DCLK2: variants seen among roughly 807,000 people sequenced by gnomAD.
DCLK2 encodes serine/threonine-protein kinase DCLK2.
In DCLK2, 31 loss-of-function variants were observed where a neutral mutation model predicts 78.4. That is an observed-to-expected ratio of 0.40 (90% CI 0.30 to 0.53). The LOEUF (loss-of-function observed/expected upper bound fraction) is 0.53, where lower values mean the gene tolerates loss of function less well. Among genes scored for constraint, DCLK2 ranks in the 20% least tolerant of loss-of-function variants. The pLI is 0.61. For missense variants in DCLK2, 872 were observed against 973.7 expected (o/e 0.90, Z 1.39); for synonymous variants, 407 against 374.9 (o/e 1.09, Z -0.99).
At chr4:150,123,943 G>A (rs1186347141) in intron 2 of DCLK2, among the ~76,000 whole-genome samples, 1 of 152,040 alleles carries the variant, frequency 6.6e-6, no homozygotes, top group Non-Finnish European at 1.5e-5. Context: ...GGGTGGCTGA[G>A]GTGGGAGGAT....
chr4:150,192,867 T>C (rs1470111637), intron 2 of DCLK2, among the ~76,000 whole-genome samples: 2 of 152,060 alleles, frequency 1.3e-5, no homozygotes, highest in African/African-American at 4.8e-5. Flanking sequence ...GGGGGAAAAA[T>C]CACGTACCTT....
chr4:150,177,379 A>T (rs1737167689), intron 2 of DCLK2, among the ~76,000 whole-genome samples: 1 of 152,226 alleles, frequency 6.6e-6, no homozygotes, highest in Non-Finnish European at 1.5e-5. Context: ...ATTTAGGCCC[A>T]AATGTCAAGC....
At chr4:150,191,460 A>G (rs1324423150) in intron 2 of DCLK2, among the ~76,000 whole-genome samples, 1 of 152,140 alleles carries the variant, frequency 6.6e-6, no homozygotes, top group East Asian at 1.9e-4. Context: ...ATAGAAGTAG[A>G]GACGCTTGAA....
intron 8 of DCLK2, among the ~76,000 whole-genome samples, chr4:150,227,099 C>A (rs932214995): frequency 2.0e-5 from 3 of 152,156 alleles, no homozygotes; most frequent in African/African-American, 7.2e-5. Flanking sequence ...GATTAAATAG[C>A]TTCCAAAAAA....
intron 2 of DCLK2, among the ~76,000 whole-genome samples, chr4:150,104,686 C>A (rs1381897586): frequency 6.6e-6 from 1 of 151,828 alleles, no homozygotes; most frequent in Non-Finnish European, 1.5e-5. Context: ...TTCATAATCC[C>A]AAACAGATGT....
Position 150,203,832 on chromosome 4 carries a change from A to G in DCLK2, c.999A>G (p.Lys333=), listed in dbSNP as rs1288148996. The G allele has an allele frequency of 6.2e-7, 1 of 1,613,972 alleles. No individual in the cohort carries two copies. The highest frequency in any genetic ancestry group is 2.2e-5 in the East Asian group (1 of 44,848). The stretch of plus-strand genomic sequence containing the variant: ...CCAGCAGCCAACTTTCTACTCCTAA[A>G]TCTACGAAATCCTCCAGTTCCTCTC... ...GTPSSQLSTP[K]STKSSSSSPT... is the part of the protein sequence containing the mutation. Residue 333 remains lysine, a synonymous_variant, in exon 5 of 16, where the codon AAA becomes AAG. Coordinates refer to ENST00000296550, the MANE Select transcript of DCLK2 (RefSeq NM_001040260.4).
chr4:150,159,144 A>G (rs1394621922), intron 2 of DCLK2, among the ~76,000 whole-genome samples: 2 of 152,124 alleles, frequency 1.3e-5, no homozygotes, highest in Non-Finnish European at 2.9e-5. Context: ...AGATTCTTAT[A>G]TTGTGCCCTC....
intron 12 of DCLK2, among the ~76,000 whole-genome samples, chr4:150,242,339 G>A (rs1020882465): frequency 6.6e-6 from 1 of 152,212 alleles, no homozygotes; most frequent in Non-Finnish European, 1.5e-5. Flanking sequence ...GGTATTAGTG[G>A]AGTTTTTGTA....
chr4:150,182,129 C>G (rs1160086704), intron 2 of DCLK2, among the ~76,000 whole-genome samples: 6 of 151,806 alleles, frequency 4.0e-5, no homozygotes, highest in Non-Finnish European at 1.5e-5. Flanking sequence ...TTCGCTGCAG[C>G]CTTGACCTCC....
At chr4:150,083,082 T>G (rs184861885) in intron 1 of DCLK2, among the ~76,000 whole-genome samples, 1 of 152,328 alleles carries the variant, frequency 6.6e-6, no homozygotes, top group Admixed American at 6.5e-5. Context: ...AATGTGTATG[T>G]ACCCGTTAAT....
chr4:150,228,021 C>G (rs1271495026), intron 8 of DCLK2, among the ~76,000 whole-genome samples: 1 of 152,168 alleles, frequency 6.6e-6, no homozygotes, highest in African/African-American at 2.4e-5. Flanking sequence ...CTGCAAGCAT[C>G]CAGTGACCAG....
At chr4:150,102,075 A>G (rs1246534950) in intron 1 of DCLK2, among the ~76,000 whole-genome samples, 2 of 152,202 alleles carry the variant, frequency 1.3e-5, no homozygotes, top group African/African-American at 4.8e-5. Flanking sequence ...TTGTGATATA[A>G]TTATTTCTAC....
intron 3 of DCLK2, among the ~76,000 whole-genome samples, chr4:150,196,249 C>A (rs1207831512): frequency 2.0e-5 from 3 of 152,140 alleles, no homozygotes; most frequent in African/African-American, 7.2e-5. Context: ...AATTCATAAA[C>A]CTAGGATATA....
chr4:150,221,762 A>G lies in DCLK2; in HGVS notation c.1218A>G (p.Ala406=), dbSNP rs1378366760. ...AGGTCATTGGTGATGGCAATTTTGCAGTAGTCAAAGAGTGTATAGACAGGT... is the reference window on the plus strand; with the variant it reads ...AGGTCATTGGTGATGGCAATTTTGCGGTAGTCAAAGAGTGTATAGACAGGT... ...IGKVIGDGNF[A]VVKECIDRST... is the part of the protein sequence containing the mutation. The change falls in exon 7 of 16, where the codon GCA becomes GCG. Residue 406 remains alanine, a synonymous_variant. Transcript: ENST00000296550. 2.5e-6 allele frequency: 4 copies of G among 1,605,492 alleles called. No individual in the cohort carries two copies. Among genetic ancestry groups the G allele is most frequent in the Admixed American group, 1.7e-5 (1 of 58,630 alleles).
chr4:150,214,916 C>T (rs532470493), intron 5 of DCLK2, among the ~76,000 whole-genome samples: 54 of 144,120 alleles, frequency 3.7e-4, no homozygotes, highest in African/African-American at 1.3e-3. Flanking sequence ...GAGCAGAGAT[C>T]GTGCCACTGC....
chr4:150,149,542 T>C (rs892546148), intron 2 of DCLK2, among the ~76,000 whole-genome samples: 8 of 152,204 alleles, frequency 5.3e-5, no homozygotes, highest in South Asian at 2.1e-4. Flanking sequence ...TATTGCATCA[T>C]TTGTTTTGGC....
At chr4:150,096,410 G>A (rs978832336) in intron 1 of DCLK2, among the ~76,000 whole-genome samples, 3 of 152,176 alleles carry the variant, frequency 2.0e-5, no homozygotes, top group African/African-American at 4.8e-5. Flanking sequence ...GGTTGAACTC[G>A]AGAAAGATCT....
chr4:150,253,710 C>A, intron 15 of DCLK2: 3 of 985,442 alleles, frequency 3.0e-6, no homozygotes, highest in Non-Finnish European at 3.6e-6. Flanking sequence ...GCCAGCCAAG[C>A]AGGCCCCTGG....
chr4:150,211,084 G>C (rs1345583116), intron 5 of DCLK2, among the ~76,000 whole-genome samples: 1 of 152,174 alleles, frequency 6.6e-6, no homozygotes, highest in African/African-American at 2.4e-5. Flanking sequence ...GGGTGGTTCT[G>C]GCTCAAGATC....
Sources: allele counts gnomAD v4.1 joint callset (sites outside exome capture counted in the v4.1 genomes callset), GRCh38; gene constraint gnomAD v4.1.1; transcripts MANE v1.5; gene names NCBI Gene and HGNC (gene_info 2026-07-23, HGNC 2026-07-21).